The following AP3B1 variants were observed in gnomAD, a reference collection of about 807,000 sequenced individuals.
AP3B1 encodes the protein adaptor related protein complex 3 subunit beta 1, also known as AP-3 complex subunit beta-1.
In AP3B1, 61 loss-of-function variants were observed where a neutral mutation model predicts 132.5. That is an observed-to-expected ratio of 0.46 (90% CI 0.37 to 0.57). The LOEUF is 0.57. AP3B1 is among the 20% of genes least tolerant of loss of function. The pLI, the probability that AP3B1 is intolerant of heterozygous loss-of-function variation, is 0.00. For missense variants in AP3B1, 1,120 were observed against 1,289.4 expected (o/e 0.87, Z 2.01); for synonymous variants, 388 against 438.3 (o/e 0.89, Z 1.43).
chr5:78,131,991 A>G (rs1319487318), intron 15 of AP3B1, among the ~76,000 whole-genome samples: 1 of 152,190 alleles, frequency 6.6e-6, no homozygotes, highest in Non-Finnish European at 1.5e-5. Flanking sequence ...TAATTTACAA[A>G]GCAGTTCTTC....
chr5:78,065,106 C>A (rs916562244), intron 22 of AP3B1, among the ~76,000 whole-genome samples: 1 of 152,120 alleles, frequency 6.6e-6, no homozygotes, highest in Admixed American at 6.5e-5. Context: ...GCAAGAGGAG[C>A]TTCCACCCCC....
At chr5:78,104,526 C>T (rs1294142074) in intron 20 of AP3B1, among the ~76,000 whole-genome samples, 2 of 151,794 alleles carry the variant, frequency 1.3e-5, no homozygotes, top group Non-Finnish European at 2.9e-5. Context: ...AACAGTAAAA[C>T]CCAATATTCT....
At chr5:78,168,770 T>C (rs961660347) in intron 11 of AP3B1, among the ~76,000 whole-genome samples, 2 of 152,172 alleles carry the variant, frequency 1.3e-5, no homozygotes, top group Non-Finnish European at 2.9e-5. Flanking sequence ...TGCACGTAAG[T>C]TTCAATAACT....
intron 2 of AP3B1, among the ~76,000 whole-genome samples, chr5:78,244,697 C>A (rs1400912216): frequency 1.3e-5 from 2 of 151,934 alleles, no homozygotes; most frequent in Non-Finnish European, 2.9e-5. Flanking sequence ...ATAGTACAAT[C>A]CTAAAAGTAG....
At chr5:78,269,938 G>C (rs770383511) in intron 1 of AP3B1, among the ~76,000 whole-genome samples, 3 of 151,996 alleles carry the variant, frequency 2.0e-5, no homozygotes, top group Non-Finnish European at 2.9e-5. Flanking sequence ...TTTTGAGACA[G>C]AGTCTCACTC....
chr5:78,173,562 T>C (rs973856785), intron 11 of AP3B1, among the ~76,000 whole-genome samples: 1 of 152,098 alleles, frequency 6.6e-6, no homozygotes. Context: ...GAGACTAGGA[T>C]TGCAACTCCT....
intron 22 of AP3B1, among the ~76,000 whole-genome samples, chr5:78,039,710 G>A (rs1298759016): frequency 1.3e-5 from 2 of 150,700 alleles, no homozygotes; most frequent in Non-Finnish European, 3.0e-5. Context: ...CCCAGGAGGC[G>A]GAGCTTGCAG....
intron 2 of AP3B1, among the ~76,000 whole-genome samples, chr5:78,244,453 CTG>C (rs1402990149): frequency 6.6e-6 from 1 of 151,946 alleles, no homozygotes; most frequent in Non-Finnish European, 1.5e-5. Context: ...AAATGACTAA[CTG>C]GAGAAATGGA....
intron 22 of AP3B1, among the ~76,000 whole-genome samples, chr5:78,066,640 C>T (rs1010448631): frequency 6.6e-6 from 1 of 152,214 alleles, no homozygotes; most frequent in Admixed American, 6.5e-5. Context: ...AAGGAACAAA[C>T]AAAACCTCCA....
chr5:78,289,289 G>A (rs894697689), intron 1 of AP3B1, among the ~76,000 whole-genome samples: 3 of 152,134 alleles, frequency 2.0e-5, no homozygotes, highest in Non-Finnish European at 2.9e-5. Flanking sequence ...GATATTAAAG[G>A]TTAAGAATGA....
chr5:78,018,698 A>C (rs1746963312), intron 25 of AP3B1, among the ~76,000 whole-genome samples: 1 of 149,040 alleles, frequency 6.7e-6, no homozygotes, highest in Non-Finnish European at 1.5e-5. Context: ...ACACACACAC[A>C]CACCCCTTAA....
chr5:78,091,530 CA>C (rs1561399288), intron 21 of AP3B1, among the ~76,000 whole-genome samples: 1 of 152,056 alleles, frequency 6.6e-6, no homozygotes, highest in African/African-American at 2.4e-5. Flanking sequence ...GTCACAGAGT[CA>C]GGGGCAAAAC....
intron 22 of AP3B1, among the ~76,000 whole-genome samples, chr5:78,079,025 C>T (rs923212922): frequency 3.3e-5 from 5 of 152,178 alleles, no homozygotes; most frequent in African/African-American, 1.2e-4. Context: ...TTCATGAATA[C>T]ATTGCAAAAT....
At chr5:78,149,113 A>C (rs1247639485) in intron 14 of AP3B1, among the ~76,000 whole-genome samples, 1 of 152,224 alleles carries the variant, frequency 6.6e-6, no homozygotes, top group Non-Finnish European at 1.5e-5. Context: ...TGAGGGAAGC[A>C]AAAGGAAATA....
intron 15 of AP3B1, among the ~76,000 whole-genome samples, chr5:78,133,266 A>G (rs563081592): frequency 6.6e-6 from 1 of 152,324 alleles, no homozygotes; most frequent in East Asian, 1.9e-4. Flanking sequence ...ATCAGCACAA[A>G]TCCTGCCTGC....
intron 17 of AP3B1, among the ~76,000 whole-genome samples, chr5:78,126,326 G>A (rs909052393): frequency 3.3e-5 from 5 of 151,582 alleles, no homozygotes; most frequent in East Asian, 1.9e-4. Flanking sequence ...CCAACATGGC[G>A]AAACCCCATC....
chr5:78,168,782 T>C (rs898648867), intron 11 of AP3B1, among the ~76,000 whole-genome samples: 1 of 152,214 alleles, frequency 6.6e-6, no homozygotes, highest in African/African-American at 2.4e-5. Flanking sequence ...TCAATAACTG[T>C]CTCAATGATG....
chr5:78,144,105 C>T (rs1561436878), intron 14 of AP3B1, among the ~76,000 whole-genome samples: 1 of 152,080 alleles, frequency 6.6e-6, no homozygotes. Context: ...TAATAATACA[C>T]ACACAGACAC....
At chr5:78,262,466 A>G (rs1264942639) in intron 2 of AP3B1, among the ~76,000 whole-genome samples, 6 of 152,064 alleles carry the variant, frequency 3.9e-5, no homozygotes, top group African/African-American at 1.4e-4. Flanking sequence ...AGTTTCCCCA[A>G]CATTATTTGT....
Sources: gnomAD v4.1 joint callset for allele counts (sites outside exome capture counted in the v4.1 genomes callset) on GRCh38, gnomAD v4.1.1 for gene constraint, MANE v1.5 for transcripts, NCBI Gene and HGNC (gene_info 2026-07-23, HGNC 2026-07-21) for gene names.